HEATR6: variants seen among roughly 807,000 people sequenced by gnomAD.
HEATR6 encodes the protein HEAT repeat containing 6.
Under a neutral mutation model 132.8 loss-of-function variants are expected in HEATR6, and 106 were observed. That is an observed-to-expected ratio of 0.80 (90% CI 0.68 to 0.94). The LOEUF is 0.94. Among genes scored for constraint, HEATR6 ranks in the 40% least tolerant of loss-of-function variants. HEATR6 has a pLI of 0.00. For synonymous variants in HEATR6, 529 were observed against 537.8 expected (o/e 0.98, Z 0.23); for missense variants, 1,339 against 1,425.1 (o/e 0.94, Z 0.97).
At chr17:60,049,725 G>A (rs766511283) in intron 15 of HEATR6, 23 bp from the exon 16 acceptor site, 4 of 1,608,450 alleles carry the variant, frequency 2.5e-6, no homozygotes, top group Non-Finnish European at 2.5e-6. Flanking sequence ...GGTTGACAAG[G>A]GAAAAATGAG....
Position 60,047,299 on chromosome 17 carries a change from G to A in HEATR6, c.2769+10C>T. ...TGTTTGGGAGATACTGGGTTTTGTT[G>A]TGAGTCTACCTTGTCTTTATCCTTG... On this transcript the variant is annotated intron_variant, in intron 18 of 19. Transcript: ENST00000184956. The A allele has an allele frequency of 6.4e-7, 1 of 1,571,804 alleles. No homozygotes were observed.
rs370439017 is a variant in HEATR6 at position 60,078,889 on chromosome 17, G to C, written c.26C>G (p.Ser9Trp). 1 of 1,322,384 alleles carries C rather than the reference G, an allele frequency of 7.6e-7. No individual in the cohort carries two copies. Among genetic ancestry groups the C allele is most frequent in the African/African-American group, 1.7e-5 (1 of 57,422 alleles). The allele number at this position is 1,322,384 out of a possible 1,614,324, so 81.9% of individuals were successfully genotyped here. The change falls in exon 1 of 20, where the codon TCG becomes TGG. Residue 9 changes from serine (S) to tryptophan (W), a missense_variant. Coordinates refer to ENST00000184956, the MANE Select transcript of HEATR6 (RefSeq NM_022070.5). ...CTCCCGCGGCTGCACGGAAGGCCAC[G>C]AACCGACAACTTGCACAGCAGCCAT... MAAVQVVGSWPSVQPREAP... is the reference protein window; with the variant it reads MAAVQVVGWWPSVQPREAP...
intron 14 of HEATR6, among the ~76,000 whole-genome samples, chr17:60,051,795 C>T (rs936972215): frequency 2.0e-5 from 3 of 152,188 alleles, no homozygotes; most frequent in Admixed American, 1.3e-4. Flanking sequence ...CTGTCTTTCT[C>T]CTACTTCAGC....
chr17:60,046,015 A>G lies in HEATR6; in HGVS notation c.2974+10T>C, dbSNP rs760784984. ...GCTTTCCACCAGGGAGTGAAGGGAAACTTTCTTACCTAAAGGAAGGGCAGG... is the reference window on the plus strand; with the variant it reads ...GCTTTCCACCAGGGAGTGAAGGGAAGCTTTCTTACCTAAAGGAAGGGCAGG... On this transcript the variant is annotated intron_variant, in intron 19 of 19. Transcript: ENST00000184956. 25 of 1,605,958 alleles carry G rather than the reference A, an allele frequency of 1.6e-5. No homozygotes were observed. In the African/African-American group the frequency reaches 3.3e-4, roughly 21 times the overall value.
chr17:60,055,645 GAATGACTTCACTTGAGTAACA>G (rs1435714144), intron 13 of HEATR6, 44 bp from the exon 14 acceptor site: 2 of 1,402,882 alleles, frequency 1.4e-6, no homozygotes, highest in Non-Finnish European at 2.0e-6. Flanking sequence ...CAGAACTAAT[GAATGACTTCACTTGAGTAACA>G]CCTTCACTCT....
chr17:60,060,030 CA>C lies in HEATR6; in HGVS notation c.1482del (p.Ala495LeufsTer16). The C allele has an allele frequency of 6.2e-7, 1 of 1,613,984 alleles. No individual in the cohort carries two copies. Among genetic ancestry groups the C allele is most frequent in the East Asian group, 2.2e-5 (1 of 44,876 alleles). ...CTTCTGTGGTCACTGGTATCTTCAG[CA>C]ACAGAAAGAAACTGCTTTGAGCCTT... ...ILEGSKQFLSVAEDTSDHRRA... is the reference protein window; with the variant it reads ...ILEGSKQFLSXAEDTSDHRRA... On this transcript the variant is annotated frameshift_variant, in exon 10 of 20. Transcript: ENST00000184956.
Position 60,042,355 on chromosome 17 carries a change from T to C in HEATR6, c.*1208A>G, listed in dbSNP as rs8071706. ...AGCTGTGAGGCACCGTCAGCATCCT[T>C]GCGTCCTGTGTGGCTGTGAGGCACT... On this transcript the variant is annotated 3_prime_UTR_variant, in exon 20 of 20. Transcript: ENST00000184956. Among the ~76,000 whole-genome samples, 12,270 of 116,924 alleles carry C rather than the reference T, an allele frequency of 0.1. 370 individuals are homozygous for C. The highest frequency in any genetic ancestry group is 0.17 in the African/African-American group (4,985 of 28,576). The allele number at this position is 116,924 out of a possible 152,430, so 76.7% of individuals were successfully genotyped here.
chr17:60,076,063 T>C (rs1297049224), intron 2 of HEATR6, 67 bp downstream of exon 2: 1 of 910,798 alleles, frequency 1.1e-6, no homozygotes, highest in African/African-American at 1.6e-5. Flanking sequence ...ACAGATGTAG[T>C]ATTTCAAAGG....
At position 60,069,165 on chromosome 17, in the gene HEATR6, G is replaced by C. The variant is rs1245579809; in HGVS notation, c.939+546C>G. On this transcript the variant is annotated intron_variant, in intron 7 of 19. Transcript: ENST00000184956. ...GGAAAGGCTGGGAAATCAGGTGAAT[G>C]TAAGGTGTGGAGATGGTGCGCTGAC... 5.2e-5 allele frequency among the ~76,000 whole-genome samples: 8 copies of C among 152,384 alleles called. No homozygotes were observed. In the East Asian group the frequency reaches 1.4e-3, roughly 26 times the overall value.
At position 60,046,172 on chromosome 17, in the gene HEATR6, G is replaced by C; in HGVS notation, c.2827C>G (p.His943Asp). Residue 943 changes from histidine to aspartate, a missense_variant, in exon 19 of 20, where the codon CAT (histidine) becomes GAT (aspartate). His to Asp is a moderately conservative substitution (Grantham distance 81, BLOSUM62 -1). Transcript: ENST00000184956. Reference sequence around the variant, plus strand: ...TCTGCAAATGTGGGTTTTTCTATATGAGAGGGTTGCAGAAAATGAAGCAAA... The same window carrying C: ...TCTGCAAATGTGGGTTTTTCTATATCAGAGGGTTGCAGAAAATGAAGCAAA... ...GNLLHFLQPS[H>D]IEKPTFAEII... 1 of 1,613,968 alleles carries C rather than the reference G, an allele frequency of 6.2e-7. No homozygotes were observed. The highest frequency in any genetic ancestry group is 8.5e-7 in the Non-Finnish European group (1 of 1,179,928).
chr17:60,059,793 G>C, intron 10 of HEATR6, 97 bp downstream of exon 10: 1 of 891,414 alleles, frequency 1.1e-6, no homozygotes, highest in South Asian at 1.5e-5. Context: ...CTATTACTTA[G>C]TTATATTCTT....
In HEATR6 at chr17:60,046,041, AT is replaced by A; in HGVS notation, c.2957del (p.Asn986IlefsTer6). 6.2e-7 allele frequency: 1 copy of A among 1,613,766 alleles called. No individual in the cohort carries two copies. The highest frequency in any genetic ancestry group is 8.5e-7 in the Non-Finnish European group (1 of 1,179,804). On this transcript the variant is annotated frameshift_variant, in exon 19 of 20. Transcript: ENST00000184956. LOFTEE classifies it high-confidence loss of function. ...CTTTCTTACCTAAAGGAAGGGCAGG[AT>A]TTTTAAATACATTTCCCATTGCATA... ...ACYAMGNVFKNPALPLGTAPW... is the reference protein window; with the variant it reads ...ACYAMGNVFKXPALPLGTAPW...
chr17:60,048,314 G>T lies in HEATR6; in HGVS notation c.2622C>A (p.Ala874=). The change falls in exon 17 of 20, where the codon GCC becomes GCA. Residue 874 remains alanine (A), a synonymous_variant. Transcript: ENST00000184956. ...GGTTGCCCAGGGACCAGGCTGCTTT[G>T]GCTCGAACATTCAGAGACTTGTCTT... ...SLEDKSLNVR[A]KAAWSLGNLT... is the part of the protein sequence containing the mutation. 1 of 1,613,598 alleles carries T rather than the reference G, an allele frequency of 6.2e-7. No individual in the cohort carries two copies. The highest frequency in any genetic ancestry group is 1.1e-5 in the South Asian group (1 of 91,034).
Position 60,067,311 on chromosome 17 carries a change from A to G in HEATR6, c.1238+123T>C. 4.8e-6 allele frequency: 3 copies of G among 622,268 alleles called. No individual in the cohort carries two copies. The Admixed American group carries it at 9.3e-5, about 19-fold the overall frequency. The allele number at this position is 622,268 out of a possible 1,614,324, so 38.5% of individuals were successfully genotyped here. On this transcript the variant is annotated intron_variant, in intron 8 of 19. Transcript: ENST00000184956. ...AAAAAGAGAACAAGTCATGTTCTGA[A>G]TAACACCATGCCCCCCAGAAATCAG...
chr17:60,051,888 C>G (rs571335597), intron 14 of HEATR6, among the ~76,000 whole-genome samples: 62 of 152,200 alleles, frequency 4.1e-4, no homozygotes, highest in Non-Finnish European at 8.5e-4. Flanking sequence ...CAGGATGGCA[C>G]ACAATTACAG....
chr17:60,066,162 T>TA, intron 9 of HEATR6, 47 bp downstream of exon 9: 1 of 1,475,442 alleles, frequency 6.8e-7, no homozygotes, highest in African/African-American at 1.4e-5. Context: ...TAAGGATCTG[T>TA]AAATTTTTTC....
chr17:60,076,046 A>G (rs2083294411), intron 2 of HEATR6, 84 bp downstream of exon 2: 1 of 786,744 alleles, frequency 1.3e-6, no homozygotes, highest in African/African-American at 1.7e-5. Context: ...AGCCTATCAT[A>G]CCTACTACAG....
In HEATR6 at chr17:60,043,325, A is replaced by T. The variant is rs1374373053; in HGVS notation, c.*238T>A. ...TCTGCTTGGCCTGTATTACAACCTG[A>T]CTCCTCGGCTCCTGGATGCACAGGT... On this transcript the variant is annotated 3_prime_UTR_variant, in exon 20 of 20. Coordinates refer to ENST00000184956, the MANE Select transcript of HEATR6 (RefSeq NM_022070.5). 2.0e-6 allele frequency: 1 copy of T among 492,426 alleles called. No individual in the cohort carries two copies. The highest frequency in any genetic ancestry group is 1.9e-5 in the African/African-American group (1 of 51,324). The allele number at this position is 492,426 out of a possible 1,614,324, so 30.5% of individuals were successfully genotyped here.
intron 9 of HEATR6, among the ~76,000 whole-genome samples, chr17:60,061,944 G>A (rs78524350): frequency 6.6e-6 from 1 of 152,306 alleles, no homozygotes; most frequent in South Asian, 2.1e-4. Context: ...ATGAACTAAT[G>A]TTCCAAAAGT....
Sources: gnomAD v4.1 joint callset for allele counts (sites outside exome capture counted in the v4.1 genomes callset) on GRCh38, gnomAD v4.1.1 for gene constraint, MANE v1.5 for transcripts, NCBI Gene and HGNC (gene_info 2026-07-23, HGNC 2026-07-21) for gene names.